KCNC2: variants seen among roughly 807,000 people sequenced by gnomAD.
The protein encoded by KCNC2 is voltage-gated potassium channel KCNC2.
KCNC2 carries 21 observed loss-of-function variants against 44.5 expected under a neutral mutation model. That is an observed-to-expected ratio of 0.47 (90% CI 0.33 to 0.68). The LOEUF (loss-of-function observed/expected upper bound fraction) is 0.68, where lower values mean the gene tolerates loss of function less well. Among genes scored for constraint, KCNC2 ranks in the 30% least tolerant of loss-of-function variants. The pLI, the probability that KCNC2 is intolerant of heterozygous loss-of-function variation, is 0.01. For missense variants in KCNC2, 589 were observed against 826.2 expected (o/e 0.71, Z 3.52); for synonymous variants, 391 against 339.1 (o/e 1.15, Z -1.68).
chr12:75,106,083 C>A (rs1025689459), intron 2 of KCNC2, among the ~76,000 whole-genome samples: 1 of 152,090 alleles, frequency 6.6e-6, no homozygotes, highest in African/African-American at 2.4e-5. Context: ...TAAAGGGAAA[C>A]CAGACGGTCT....
chr12:75,060,056 A>C (rs1882153928), intron 2 of KCNC2, among the ~76,000 whole-genome samples: 1 of 152,136 alleles, frequency 6.6e-6, no homozygotes, highest in South Asian at 2.1e-4. Flanking sequence ...TCAAAATACT[A>C]GCTATTATAC....
intron 2 of KCNC2, among the ~76,000 whole-genome samples, chr12:75,133,675 G>T (rs1283440244): frequency 1.3e-5 from 2 of 151,938 alleles, no homozygotes; most frequent in South Asian, 4.1e-4. Context: ...TTAACTTTCA[G>T]ATTTCACTAA....
Position 75,041,033 on chromosome 12 carries a change from C to T in KCNC2, c.*2072G>A, listed in dbSNP as rs1879838524. On this transcript the variant is annotated 3_prime_UTR_variant, in exon 5 of 5. Coordinates refer to ENST00000549446, the MANE Select transcript of KCNC2 (RefSeq NM_139137.4). ...CACCAGATGAGTTCCAGCCGCAGTTCTTTTATAAGCTTTAAGTGCCTCATG... is the reference window on the plus strand; with the variant it reads ...CACCAGATGAGTTCCAGCCGCAGTTTTTTTATAAGCTTTAAGTGCCTCATG... The T allele has an allele frequency of 6.1e-6, 8 of 1,306,878 alleles. No individual in the cohort carries two copies. The South Asian group carries it at 9.5e-5, about 16-fold the overall frequency. 81.0% of individuals were successfully genotyped at this position (1,306,878 alleles called of 1,614,324 possible).
chr12:75,064,187 C>A (rs1488188602), intron 2 of KCNC2, among the ~76,000 whole-genome samples: 2 of 152,008 alleles, frequency 1.3e-5, no homozygotes, highest in African/African-American at 4.8e-5. Flanking sequence ...CAATTAAGTT[C>A]TATTTTAAAA....
intron 2 of KCNC2, among the ~76,000 whole-genome samples, chr12:75,070,965 C>A (rs1845462348): frequency 6.6e-6 from 1 of 151,962 alleles, no homozygotes; most frequent in South Asian, 2.1e-4. Context: ...CACATTAAAT[C>A]TTTTATTTAT....
At chr12:75,122,203 G>T (rs1281312174) in intron 2 of KCNC2, among the ~76,000 whole-genome samples, 1 of 152,122 alleles carries the variant, frequency 6.6e-6, no homozygotes, top group Non-Finnish European at 1.5e-5. Flanking sequence ...GAGTTCATTT[G>T]TTTGTGTTGG....
intron 2 of KCNC2, among the ~76,000 whole-genome samples, chr12:75,142,541 G>A (rs1889728492): frequency 6.6e-6 from 1 of 152,162 alleles, no homozygotes; most frequent in South Asian, 2.1e-4. Context: ...CATTTATTTT[G>A]CTCATAGATC....
At chr12:75,131,875 C>T (rs1451121559) in intron 2 of KCNC2, among the ~76,000 whole-genome samples, 1 of 152,142 alleles carries the variant, frequency 6.6e-6, no homozygotes, top group Non-Finnish European at 1.5e-5. Context: ...GCAAAACCTT[C>T]AGGAAGGAAT....
intron 2 of KCNC2, among the ~76,000 whole-genome samples, chr12:75,205,304 A>G (rs1405162151): frequency 1.3e-5 from 2 of 152,066 alleles, no homozygotes; most frequent in African/African-American, 2.4e-5. Flanking sequence ...ACTAAACGTG[A>G]CCTCAAATAA....
At chr12:75,167,566 T>A (rs919255591) in intron 2 of KCNC2, among the ~76,000 whole-genome samples, 1 of 151,350 alleles carries the variant, frequency 6.6e-6, no homozygotes, top group Non-Finnish European at 1.5e-5. Context: ...TGGAATTTAA[T>A]GTTTATAAAA....
At chr12:75,127,908 C>A (rs1044885374) in intron 2 of KCNC2, among the ~76,000 whole-genome samples, 5 of 152,088 alleles carry the variant, frequency 3.3e-5, no homozygotes, top group South Asian at 4.1e-4. Context: ...ACCAGACTAC[C>A]TCTGCAATCT....
chr12:75,136,947 C>T (rs1172673736), intron 2 of KCNC2, among the ~76,000 whole-genome samples: 1 of 152,114 alleles, frequency 6.6e-6, no homozygotes, highest in Non-Finnish European at 1.5e-5. Flanking sequence ...ATTCCCAATC[C>T]ATTGCCACAC....
At position 75,207,851 on chromosome 12, in the gene KCNC2, C is replaced by G; in HGVS notation, c.133G>C (p.Asp45His). Reference sequence around the variant, plus strand: ...TTGTCGCCCGCCGTGGTCAAGCAGTCGCCTGGGGGCTCGGAGGAGGCAAGA... The same window carrying G: ...TTGTCGCCCGCCGTGGTCAAGCAGTGGCCTGGGGGCTCGGAGGAGGCAAGA... ...ALLASSEPPG[D>H]CLTTAGDKLQ... is the part of the protein sequence containing the mutation. Residue 45 changes from aspartate to histidine, a missense_variant, in exon 2 of 5, where the codon GAC (aspartate) becomes CAC (histidine). This residue lies in a region of KCNC2 where 148 missense variants were observed against 140.1 expected (regional missense o/e 1.06). Transcript: ENST00000549446. The surrounding 1 kb of genome is among the most constrained non-coding windows in gnomAD (Gnocchi z 4.1). 6.2e-7 allele frequency: 1 copy of G among 1,611,624 alleles called. No individual in the cohort carries two copies. Among genetic ancestry groups the G allele is most frequent in the East Asian group, 2.2e-5 (1 of 44,644 alleles).
At chr12:75,083,515 C>G in intron 2 of KCNC2, among the ~76,000 whole-genome samples, 1 of 151,862 alleles carries the variant, frequency 6.6e-6, no homozygotes, top group East Asian at 1.9e-4. Flanking sequence ...AGTCCCAGTT[C>G]TGCCAGTTAC....
rs769765610 is a variant in KCNC2, at chr12:75,207,464, G to C, written c.520C>G (p.Leu174Val). ...EALDIFETPD[L>V]IGGDPGDDED... ...TCGTCGCCGGGGTCGCCGCCAATGA[G>C]GTCGGGGGTCTCGAAGATGTCCAGC... Residue 174 changes from leucine to valine, a missense_variant, in exon 2 of 5, where the codon CTC becomes GTC. Around this residue, in one of 7 missense-constraint regions of KCNC2, gnomAD observed 97 missense variants for 73.3 expected, o/e 1.32. Coordinates refer to ENST00000549446, the MANE Select transcript of KCNC2 (RefSeq NM_139137.4). This position sits in a 1 kb window ranked among gnomAD's most constrained non-coding sequence, Gnocchi z 4.1. 2.5e-6 allele frequency: 4 copies of C among 1,612,302 alleles called. No individual in the cohort carries two copies. The highest frequency in any genetic ancestry group is 2.5e-6 in the Non-Finnish European group (3 of 1,179,646).
rs558646342 is a variant in KCNC2, at chr12:75,149,633, T to C, written c.687+57664A>G. ...CTTTAATCTTCATTACTGCTCAACA[T>C]TTATACGTTAAATAGCCAATGTTTG... On this transcript the variant is annotated intron_variant, in intron 2 of 4. Transcript: ENST00000549446. Among the ~76,000 whole-genome samples, 6 of 151,952 alleles carry C rather than the reference T, an allele frequency of 3.9e-5. No individual in the cohort carries two copies. In the East Asian group the frequency reaches 1.2e-3, roughly 29 times the overall value.
chr12:75,171,699 G>A (rs570332336), intron 2 of KCNC2, among the ~76,000 whole-genome samples: 121 of 151,882 alleles, frequency 8.0e-4, no homozygotes, highest in African/African-American at 2.8e-3. Flanking sequence ...GTTTGACAGC[G>A]CAGTAGAATG....
intron 2 of KCNC2, among the ~76,000 whole-genome samples, chr12:75,181,106 C>A (rs1298411272): frequency 1.3e-5 from 2 of 151,972 alleles, no homozygotes; most frequent in Non-Finnish European, 2.9e-5. Context: ...AGAAGCTTGA[C>A]AAACTAGTTT....
chr12:75,066,736 G>T (rs1882867789), intron 2 of KCNC2, among the ~76,000 whole-genome samples: 1 of 152,076 alleles, frequency 6.6e-6, no homozygotes, highest in Non-Finnish European at 1.5e-5. Context: ...AATAAATAAA[G>T]AATTTCAACA....
Sources: gnomAD v4.1 joint callset for allele counts (sites outside exome capture counted in the v4.1 genomes callset) on GRCh38, gnomAD v4.1.1 for gene constraint, gnomAD v4.1.1 regional missense constraint, Gnocchi (gnomAD v3.1) non-coding constraint, MANE v1.5 for transcripts, NCBI Gene and HGNC (gene_info 2026-07-23, HGNC 2026-07-21) for gene names.